POLR3B: variants seen among roughly 807,000 people sequenced by gnomAD.
POLR3B encodes the protein RNA polymerase III subunit B.
POLR3B carries 96 observed loss-of-function variants against 147.4 expected under a neutral mutation model. The observed-to-expected ratio is 0.65, with a 90% CI of 0.55 to 0.77. POLR3B has a LOEUF of 0.77. Ranked by LOEUF, POLR3B falls within the 30% of genes least tolerant of loss-of-function variation. POLR3B has a pLI of 0.00. For missense variants in POLR3B, 1,036 were observed against 1,413.5 expected (o/e 0.73, Z 4.28); for synonymous variants, 461 against 485.9 (o/e 0.95, Z 0.67).
At chr12:106,468,617 T>C (rs917391157) in intron 23 of POLR3B, among the ~76,000 whole-genome samples, 4 of 152,344 alleles carry the variant, frequency 2.6e-5, no homozygotes, top group African/African-American at 7.2e-5. Flanking sequence ...GCTTTAAATG[T>C]GTCCCAGAGA....
In POLR3B at chr12:106,509,420, G is replaced by A. The variant is rs768612175; in HGVS notation, c.3273G>A (p.Trp1091Ter). ...TAACGCTTGCTGACTTGCGTTTCAG[G>A]TGCCATTACTGCAAGTCATCCTGCC... ...GQCGLLGYSG[W>*]CHYCKSSCHV... is the part of the protein sequence containing the mutation. The change falls in exon 28 of 28, where the codon TGG becomes TGA. Residue 1091 changes from tryptophan to a stop codon, truncating the protein, a stop_gained and splice_region_variant. Transcript: ENST00000228347. LOFTEE classifies it high-confidence loss of function. 2.5e-6 allele frequency: 4 copies of A among 1,613,654 alleles called. No homozygotes were observed. Among genetic ancestry groups the A allele is most frequent in the Non-Finnish European group, 3.4e-6 (4 of 1,179,738 alleles).
At chr12:106,447,849 G>A (rs1329031782) in intron 19 of POLR3B, among the ~76,000 whole-genome samples, 1 of 152,136 alleles carries the variant, frequency 6.6e-6, no homozygotes, top group East Asian at 1.9e-4. Context: ...TTAAAGCTCA[G>A]GAGTGAATGC....
chr12:106,445,839 T>A (rs1173776358), intron 19 of POLR3B, among the ~76,000 whole-genome samples: 1 of 152,186 alleles, frequency 6.6e-6, no homozygotes, highest in African/African-American at 2.4e-5. Context: ...AACAACCAGC[T>A]GCAACTGACC....
chr12:106,385,448 A>C (rs2036822654), intron 9 of POLR3B, among the ~76,000 whole-genome samples: 1 of 152,222 alleles, frequency 6.6e-6, no homozygotes, highest in Admixed American at 6.5e-5. Context: ...AATAGTTATG[A>C]TAGTGGAAAT....
chr12:106,369,104 C>T lies in POLR3B; in HGVS notation c.228-171C>T, dbSNP rs148680021. Among the ~76,000 whole-genome samples the T allele has an allele frequency of 2.2e-4, 33 of 152,252 alleles. No homozygotes were observed. The East Asian group carries it at 6.2e-3, about 28-fold the overall frequency. On this transcript the variant is annotated intron_variant, in intron 4 of 27. Transcript: ENST00000228347. ...GATAATATTTCCCTCCTTTGTAAAG[C>T]TATATGTACTATCACTTCAAGAAGA...
intron 22 of POLR3B, among the ~76,000 whole-genome samples, chr12:106,460,713 T>C (rs2137033806): frequency 6.6e-6 from 1 of 152,200 alleles, no homozygotes; most frequent in East Asian, 1.9e-4. Context: ...GAAGTTCATC[T>C]CTCCTTTTGG....
Position 106,454,542 on chromosome 12 carries a change from C to T in POLR3B, c.2124C>T (p.Leu708=). 3.1e-6 allele frequency: 5 copies of T among 1,605,994 alleles called. No individual in the cohort carries two copies. Among genetic ancestry groups the T allele is most frequent in the Non-Finnish European group, 4.3e-6 (5 of 1,172,780 alleles). ...ACCAGCGAAACAGAATTGATACTCT[C>T]ATGTATCTACTAGCATATCCACAAA... ...GYNQRNRIDT[L]MYLLAYPQKP... The change falls in exon 20 of 28, where the codon CTC becomes CTT. Residue 708 remains leucine (L), a synonymous_variant. Coordinates refer to ENST00000228347, the MANE Select transcript of POLR3B (RefSeq NM_018082.6).
intron 12 of POLR3B, 65 bp from the exon 13 acceptor site, chr12:106,427,132 A>G (rs1012522046): frequency 1.8e-6 from 2 of 1,094,764 alleles, no homozygotes; most frequent in Non-Finnish European, 2.6e-6. Flanking sequence ...AAGACCTAAA[A>G]TTTATTAAAA....
At chr12:106,496,326 C>T (rs1049014472) in intron 24 of POLR3B, 168 bp downstream of exon 24, 1 of 700,286 alleles carries the variant, frequency 1.4e-6, no homozygotes, top group Non-Finnish European at 2.6e-6. Context: ...GATTCTGGGC[C>T]ACTCCCCTCT....
intron 19 of POLR3B, among the ~76,000 whole-genome samples, chr12:106,446,585 G>A (rs747715324): frequency 5.3e-5 from 8 of 151,826 alleles, no homozygotes; most frequent in Non-Finnish European, 8.8e-5. Context: ...TTTTTTTCTC[G>A]TTTTGTTTTG....
At chr12:106,421,256 A>G (rs1200034092) in intron 12 of POLR3B, among the ~76,000 whole-genome samples, 1 of 151,822 alleles carries the variant, frequency 6.6e-6, no homozygotes, top group Non-Finnish European at 1.5e-5. Context: ...CAACACTGGC[A>G]TTCTTATTTA....
In POLR3B at chr12:106,369,256, G is replaced by A. The variant is rs374469382; in HGVS notation, c.228-19G>A. ...TCTTCGAAGAAGTATAATTCATACC[G>A]CACTAATTTGCTTTTCAGATATCTT... On this transcript the variant is annotated intron_variant, in intron 4 of 27. Transcript: ENST00000228347. 30 of 1,350,352 alleles carry A rather than the reference G, an allele frequency of 2.2e-5. No individual in the cohort carries two copies. Among genetic ancestry groups the A allele is most frequent in the Middle Eastern group, 1.8e-4 (1 of 5,572 alleles). 83.6% of individuals were successfully genotyped at this position (1,350,352 alleles called of 1,614,324 possible).
intron 23 of POLR3B, among the ~76,000 whole-genome samples, chr12:106,479,016 C>G (rs1294727484): frequency 1.3e-5 from 2 of 152,162 alleles, no homozygotes; most frequent in Admixed American, 6.5e-5. Flanking sequence ...TCCTTTCTCT[C>G]TGGAAGCTTT....
chr12:106,481,246 T>C (rs1460714112), intron 23 of POLR3B, among the ~76,000 whole-genome samples: 1 of 152,142 alleles, frequency 6.6e-6, no homozygotes, highest in African/African-American at 2.4e-5. Flanking sequence ...CACTGGCTGC[T>C]GTGTTGAAAG....
chr12:106,455,325 C>T (rs190637688), intron 20 of POLR3B, among the ~76,000 whole-genome samples: 223 of 152,260 alleles, frequency 1.5e-3, no homozygotes, highest in Admixed American at 2.3e-3. Context: ...TTCTCTTTTT[C>T]CTTCCTGGCG....
At chr12:106,493,516 A>G (rs759069528) in intron 23 of POLR3B, among the ~76,000 whole-genome samples, 2 of 152,230 alleles carry the variant, frequency 1.3e-5, no homozygotes, top group African/African-American at 4.8e-5. Context: ...GAGATCATCA[A>G]ATTCTGTCTA....
At chr12:106,472,338 T>C (rs2038105320) in intron 23 of POLR3B, among the ~76,000 whole-genome samples, 1 of 151,944 alleles carries the variant, frequency 6.6e-6, no homozygotes, top group Admixed American at 6.6e-5. Context: ...TGCATGTGTC[T>C]TTATAGCAGC....
intron 25 of POLR3B, among the ~76,000 whole-genome samples, chr12:106,498,445 G>A (rs1323349794): frequency 6.6e-6 from 1 of 152,194 alleles, no homozygotes; most frequent in Admixed American, 6.5e-5. Flanking sequence ...GTTTTTAAAA[G>A]TTCAAATTAG....
chr12:106,488,037 G>A (rs531123858), intron 23 of POLR3B, among the ~76,000 whole-genome samples: 30 of 152,264 alleles, frequency 2.0e-4, no homozygotes, highest in African/African-American at 7.2e-4. Flanking sequence ...AAGTGGAGGA[G>A]GACTAAGCAG....
Sources: gnomAD v4.1 joint callset for allele counts (sites outside exome capture counted in the v4.1 genomes callset) on GRCh38, gnomAD v4.1.1 for gene constraint, MANE v1.5 for transcripts, NCBI Gene and HGNC (gene_info 2026-07-23, HGNC 2026-07-21) for gene names.